UBA52: variants seen among roughly 807,000 people sequenced by gnomAD.
UBA52 encodes ubiquitin-ribosomal protein eL40 fusion protein.
Under a neutral mutation model 15.3 loss-of-function variants are expected in UBA52, and 1 was observed. The observed-to-expected ratio is 0.07, with a 90% CI of 0.02 to 0.31. UBA52 has a LOEUF of 0.31. UBA52 is among the 10% of genes least tolerant of loss of function. The pLI is 1.00. For missense variants in UBA52, 87 were observed against 168.0 expected (o/e 0.52, Z 2.66); for synonymous variants, 50 against 58.3 (o/e 0.86, Z 0.65).
upstream of UBA52, among the ~76,000 whole-genome samples, chr19:18,568,016 C>T (rs1975337864): frequency 6.6e-6 from 1 of 152,124 alleles, no homozygotes; most frequent in African/African-American, 2.4e-5. Flanking sequence ...GCCTGTAATC[C>T]CAACACTTTG....
rs374608896 is a variant in UBA52 at position 18,573,309 on chromosome 19, C to T, written c.9C>T (p.Ile3=). 1.9e-6 allele frequency: 3 copies of T among 1,614,052 alleles called. No individual in the cohort carries two copies. The African/African-American group carries it at 4.0e-5, about 22-fold the overall frequency. The change falls in exon 2 of 5, where the codon ATC becomes ATT. Residue 3 remains isoleucine (I), a synonymous_variant. Transcript: ENST00000442744. MQ[I]FVKTLTGKTI... ...CTCCTGCAGACGCAAACATGCAGAT[C>T]TTTGTGAAGACCCTCACTGGCAAAA...
rs1975811587 is a variant in UBA52 at position 18,576,974 on chromosome 19, C to CTTTTTT, written c.*1824_*1825insTTTTTT. 6.8e-5 allele frequency: 6 copies of CTTTTTT among 88,180 alleles called. No homozygotes were observed. Among genetic ancestry groups the CTTTTTT allele is most frequent in the South Asian group, 3.6e-4 (1 of 2,754 alleles). The allele number at this position is 88,180 out of a possible 1,614,324, so 5.5% of individuals were successfully genotyped here. On this transcript the variant is annotated 3_prime_UTR_variant, in exon 5 of 5. Coordinates refer to ENST00000442744, the MANE Select transcript of UBA52 (RefSeq NM_001033930.3). ...TAAGCCACAGCGCCTGGCCTTGCTA[C>CTTTTTT]ATTTTTTTTTTTTTTTTTTTTTTTA... is the stretch of plus-strand genomic sequence containing the variant.
At chr19:18,571,468 A>C (rs575105769), upstream of UBA52, among the ~76,000 whole-genome samples, 1 of 152,240 alleles carries the variant, frequency 6.6e-6, no homozygotes, top group South Asian at 2.1e-4. Flanking sequence ...AACCGATTCC[A>C]GGTGTTAGGT....
chr19:18,568,075 C>T (rs1220457873), upstream of UBA52, among the ~76,000 whole-genome samples: 1 of 152,144 alleles, frequency 6.6e-6, no homozygotes, highest in East Asian at 1.9e-4. Flanking sequence ...CGATACCAGC[C>T]TGACCAACAT....
rs1975718789 is a variant in UBA52, at chr19:18,575,037, C to G, written c.294-20C>G. On this transcript the variant is annotated intron_variant, in intron 4 of 4. Coordinates refer to ENST00000442744, the MANE Select transcript of UBA52 (RefSeq NM_001033930.3). ...CGGAGTCGGGGTATGCCCTCACCCACCCCTCCTGTCTCTGTGCAGGTGCTA... is the reference window on the plus strand; with the variant it reads ...CGGAGTCGGGGTATGCCCTCACCCAGCCCTCCTGTCTCTGTGCAGGTGCTA... The G allele has an allele frequency of 6.2e-7, 1 of 1,614,096 alleles. No homozygotes were observed. The highest frequency in any genetic ancestry group is 8.5e-7 in the Non-Finnish European group (1 of 1,180,032).
At chr19:18,570,507 CTTTTTT>C (rs1555752289), upstream of UBA52, among the ~76,000 whole-genome samples, 4 of 44,812 alleles carry the variant, frequency 8.9e-5, no homozygotes, top group African/African-American at 2.0e-4. Context: ...CGCCGTGGCA[CTTTTTT>C]TTTTTTTTTT....
In UBA52 at chr19:18,573,276, C is replaced by T. The variant is rs201574605; in HGVS notation, c.-8-17C>T. 330 of 1,611,864 alleles carry T rather than the reference C, an allele frequency of 2.0e-4. 8 individuals are homozygous for T. In the South Asian group the frequency reaches 2.6e-3, roughly 13 times the overall value. On this transcript the variant is annotated splice_polypyrimidine_tract_variant and intron_variant, in intron 1 of 4. Coordinates refer to ENST00000442744, the MANE Select transcript of UBA52 (RefSeq NM_001033930.3). The stretch of plus-strand genomic sequence containing the variant: ...TGCATTGCTCACCAGTCTATCCTGC[C>T]TCCCTTCCTCCTGCAGACGCAAACA...
At chr19:18,569,122 A>G, upstream of UBA52, 1 of 163,534 alleles carries the variant, frequency 6.1e-6, no homozygotes, top group South Asian at 1.6e-4. Flanking sequence ...TCTCCTTGGT[A>G]TCTCAAGGAG....
In UBA52 at chr19:18,573,282, T is replaced by G. The variant is rs377308410; in HGVS notation, c.-8-11T>G. On this transcript the variant is annotated splice_polypyrimidine_tract_variant and intron_variant, in intron 1 of 4. Transcript: ENST00000442744. ...GCTCACCAGTCTATCCTGCCTCCCT[T>G]CCTCCTGCAGACGCAAACATGCAGA... 1.2e-6 allele frequency: 2 copies of G among 1,613,506 alleles called. No homozygotes were observed. Among genetic ancestry groups the G allele is most frequent in the East Asian group, 2.2e-5 (1 of 44,878 alleles).
intron 3 of UBA52, among the ~76,000 whole-genome samples, chr19:18,574,302 C>T (rs1304529308): frequency 3.3e-5 from 5 of 151,550 alleles, no homozygotes; most frequent in Admixed American, 3.3e-4. Flanking sequence ...ATTCAGTGTC[C>T]TTTTTTTGTG....
At chr19:18,574,665 C>T (rs1281397310) in intron 3 of UBA52, among the ~76,000 whole-genome samples, 2 of 152,180 alleles carry the variant, frequency 1.3e-5, no homozygotes, top group Non-Finnish European at 2.9e-5. Flanking sequence ...CCCCAGGGCT[C>T]GTGGTCAGTG....
rs1410562878 is a variant in UBA52, at chr19:18,576,956, C to CA, written c.*1807dup. The CA allele has an allele frequency of 1.3e-5, 2 of 150,396 alleles. No homozygotes were observed. Among genetic ancestry groups the CA allele is most frequent in the Non-Finnish European group, 2.9e-5 (2 of 67,912 alleles). 9.3% of individuals were successfully genotyped at this position (150,396 alleles called of 1,614,324 possible). ...GTGCTAGGATTACAAGCGTAAGCCACAGCGCCTGGCCTTGCTACATTTTTT... is the reference window on the plus strand; with the variant it reads ...GTGCTAGGATTACAAGCGTAAGCCACAAGCGCCTGGCCTTGCTACATTTTTT... On this transcript the variant is annotated 3_prime_UTR_variant, in exon 5 of 5. Transcript: ENST00000442744.
intron 1 of UBA52, chr19:18,572,826 G>A (rs887760425): frequency 2.5e-4 from 252 of 1,011,332 alleles, no homozygotes; most frequent in Middle Eastern, 5.0e-4. Flanking sequence ...CGACAGGAAG[G>A]CATGTGTGTT....
At chr19:18,567,237 G>C (rs548592822), upstream of UBA52, 36 of 1,570,306 alleles carry the variant, frequency 2.3e-5, no homozygotes, top group East Asian at 8.1e-4. Context: ...CCCAGGGCAG[G>C]CTTCTGGAAG....
At chr19:18,573,170 T>C in intron 1 of UBA52, 123 bp from the exon 2 acceptor site, 1 of 1,126,176 alleles carries the variant, frequency 8.9e-7, no homozygotes, top group Non-Finnish European at 1.3e-6. Flanking sequence ...AGACAGGTAC[T>C]GGGGCAGGAC....
Position 18,575,343 on chromosome 19 carries a change from T to G in UBA52, c.*193T>G. 1.6e-6 allele frequency: 1 copy of G among 624,308 alleles called. No individual in the cohort carries two copies. The allele number at this position is 624,308 out of a possible 1,614,324, so 38.7% of individuals were successfully genotyped here. A position where few individuals can be genotyped will look rare whatever the true frequency, so the allele number is the denominator to read the frequency against. ...TCCATTCTGTGCCACCTGTGGGGTC[T>G]TCTGTCCTAGATTCTGTCACATCGG... is the stretch of plus-strand genomic sequence containing the variant. On this transcript the variant is annotated 3_prime_UTR_variant, in exon 5 of 5. Transcript: ENST00000442744.
intron 3 of UBA52, among the ~76,000 whole-genome samples, 175 bp from the exon 4 acceptor site, chr19:18,574,695 G>A (rs1975694992): frequency 6.6e-6 from 1 of 152,178 alleles, no homozygotes. Context: ...AGATTTCCTG[G>A]GGCAGGCTGG....
chr19:18,565,144 G>C, the UBA52 span: 1 of 1,487,038 alleles, frequency 6.7e-7, no homozygotes, highest in Non-Finnish European at 8.9e-7. Context: ...GCTTCACTGC[G>C]CACTTAAGTG....
chr19:18,567,398 C>G (rs181795215), upstream of UBA52: 2,489 of 654,294 alleles, frequency 3.8e-3, 75 homozygotes, highest in Admixed American at 0.048. Context: ...CGTGGGGAGG[C>G]CGCACAGGAG....
Sources: gnomAD v4.1 joint callset for allele counts (sites outside exome capture counted in the v4.1 genomes callset) on GRCh38, gnomAD v4.1.1 for gene constraint, MANE v1.5 for transcripts, NCBI Gene and HGNC (gene_info 2026-07-23, HGNC 2026-07-21) for gene names.